Variants in MTF2 observed in about 807,000 individuals in gnomAD.
MTF2 encodes metal-response element-binding transcription factor 2.
In MTF2, 11 loss-of-function variants were observed where a neutral mutation model predicts 79.5. The ratio of observed to expected loss-of-function variants is 0.14; its 90% CI spans 0.09 to 0.23. MTF2 has a LOEUF of 0.23. Among genes scored for constraint, MTF2 ranks in the 10% least tolerant of loss-of-function variants. The pLI is 1.00. For missense variants in MTF2, 486 were observed against 711.2 expected, an observed-to-expected ratio of 0.68 and a Z score of 3.60; for synonymous variants, 208 against 232.8, an observed-to-expected ratio of 0.89 and a Z score of 0.97.
intron 1 of MTF2, among the ~76,000 whole-genome samples, chr1:93,081,697 G>T (rs1654614270): frequency 6.6e-6 from 1 of 152,134 alleles, no homozygotes; most frequent in African/African-American, 2.4e-5. Flanking sequence ...TTTCTCCAGT[G>T]ATGGCAGTGT....
At chr1:93,122,004 G>A (rs1252628103) in intron 9 of MTF2, among the ~76,000 whole-genome samples, 1 of 152,112 alleles carries the variant, frequency 6.6e-6, no homozygotes, top group Non-Finnish European at 1.5e-5. Context: ...GTTTTGCCAT[G>A]TTGGCCAGGC....
chr1:93,118,527 G>A, intron 7 of MTF2, 87 bp downstream of exon 7: 1 of 848,266 alleles, frequency 1.2e-6, no homozygotes, highest in Non-Finnish European at 1.8e-6. Context: ...CCTAAAGATA[G>A]TTTCAACAGT....
rs200494793 is a variant in MTF2 at position 93,129,558 on chromosome 1, A to ATT, written c.1160+129_1160+130dup. 5.8e-3 allele frequency: 2,579 copies of ATT among 446,060 alleles called. 1 individual carries two copies. The highest frequency in any genetic ancestry group is 6.7e-3 in the East Asian group (161 of 23,906). 27.6% of individuals were successfully genotyped at this position (446,060 alleles called of 1,614,324 possible). A position where few individuals can be genotyped will look rare whatever the true frequency, so the allele number is the denominator to read the frequency against. On this transcript the variant is annotated intron_variant, in intron 11 of 14. Transcript: ENST00000370298. ...GAAAGTACAAGTGGCAGTTACTCTGATTTTTTTTTTTTTTTTTTTTGGTCT... is the reference window on the plus strand; with the variant it reads ...GAAAGTACAAGTGGCAGTTACTCTGATTTTTTTTTTTTTTTTTTTTTTGGTCT...
chr1:93,119,401 G>A lies in MTF2; in HGVS notation c.797G>A (p.Trp266Ter). 1 of 1,595,778 alleles carries A rather than the reference G, an allele frequency of 6.3e-7. No homozygotes were observed. The highest frequency in any genetic ancestry group is 2.3e-5 in the East Asian group (1 of 44,436). Reference sequence around the variant, plus strand: ...TACCTCAAACGTCTACCATTACAGTGGTAAGTGTGGACCTTTCTGTTAAAA... The same window carrying A: ...TACCTCAAACGTCTACCATTACAGTAGTAAGTGTGGACCTTTCTGTTAAAA... ...PEYLKRLPLQ[W>*]VDIAHLCLYN... The change falls in exon 8 of 15, where the codon TGG becomes TAG. Residue 266 changes from tryptophan to a stop codon, truncating the protein, a stop_gained and splice_region_variant. Transcript: ENST00000370298. LOFTEE classifies it high-confidence loss of function.
Position 93,137,068 on chromosome 1 carries a change from T to C in MTF2, c.*41T>C, listed in dbSNP as rs1218381010. The C allele has an allele frequency of 5.2e-6, 8 of 1,545,792 alleles. No homozygotes were observed. The highest frequency in any genetic ancestry group is 1.7e-4 in the Middle Eastern group (1 of 5,786). ...TTATGTTCACTGCACTCTGATTTTC[T>C]GTAGGTACAGTTCAAAGCCCTAAAG... is the stretch of plus-strand genomic sequence containing the variant. On this transcript the variant is annotated 3_prime_UTR_variant, in exon 15 of 15. Coordinates refer to ENST00000370298, the MANE Select transcript of MTF2 (RefSeq NM_007358.4).
chr1:93,116,204 C>T (rs1026284698), intron 6 of MTF2, among the ~76,000 whole-genome samples: 15 of 151,556 alleles, frequency 9.9e-5, no homozygotes, highest in Admixed American at 2.6e-4. Context: ...ACCACAGACA[C>T]GTGCCACTAC....
intron 1 of MTF2, among the ~76,000 whole-genome samples, chr1:93,098,134 G>A (rs148567891): frequency 3.3e-5 from 5 of 152,268 alleles, no homozygotes; most frequent in African/African-American, 4.8e-5. Flanking sequence ...TTATACTGCA[G>A]TTTTGTTCCT....
rs1199227244 is a variant in MTF2, at chr1:93,087,029, G to A, written c.5+7498G>A. Among the ~76,000 whole-genome samples the A allele has an allele frequency of 3.3e-5, 5 of 152,070 alleles. No homozygotes were observed. In the South Asian group the frequency reaches 6.2e-4, roughly 19 times the overall value. The stretch of plus-strand genomic sequence containing the variant: ...TAGTCTAAAGCTTATTTTTTCGTTC[G>A]GGACACTGAATAAACTGTGTTGTGC... On this transcript the variant is annotated intron_variant, in intron 1 of 14. Transcript: ENST00000370298.
intron 3 of MTF2, among the ~76,000 whole-genome samples, chr1:93,112,570 G>A (rs1015986061): frequency 6.6e-6 from 1 of 152,162 alleles, no homozygotes; most frequent in Non-Finnish European, 1.5e-5. Flanking sequence ...TGCATTAAAT[G>A]CAGAAGTTTA....
chr1:93,126,752 A>G (rs868563666), intron 9 of MTF2, among the ~76,000 whole-genome samples: 220 of 152,220 alleles, frequency 1.4e-3, no homozygotes, highest in African/African-American at 5.2e-3. Context: ...AAAAAATTAT[A>G]GAGATTATCG....
At chr1:93,103,309 A>G (rs1005908552) in intron 1 of MTF2, among the ~76,000 whole-genome samples, 3 of 151,476 alleles carry the variant, frequency 2.0e-5, no homozygotes, top group Admixed American at 6.6e-5. Context: ...TAGAAGAATG[A>G]AGTTTATATT....
At chr1:93,118,310 A>G in intron 6 of MTF2, 35 bp from the exon 7 acceptor site, 1 of 1,376,698 alleles carries the variant, frequency 7.3e-7, no homozygotes. Flanking sequence ...TTAAGACAGG[A>G]ATTTTAGTGT....
chr1:93,104,922 C>T (rs982160681), intron 1 of MTF2, among the ~76,000 whole-genome samples: 2 of 151,666 alleles, frequency 1.3e-5, no homozygotes, highest in South Asian at 2.1e-4. Flanking sequence ...TTTGGGAGGC[C>T]GAGGCAGGCA....
chr1:93,117,052 T>G (rs1268052858), intron 6 of MTF2, among the ~76,000 whole-genome samples: 2 of 152,174 alleles, frequency 1.3e-5, no homozygotes, highest in Non-Finnish European at 2.9e-5. Context: ...TTTGAAATAT[T>G]ATGGGAATTT....
intron 6 of MTF2, among the ~76,000 whole-genome samples, chr1:93,116,359 A>G (rs1244098690): frequency 6.6e-6 from 1 of 151,758 alleles, no homozygotes; most frequent in Non-Finnish European, 1.5e-5. Context: ...TTTTCTTTGC[A>G]TATACAGTTT....
chr1:93,129,347 G>A lies in MTF2; in HGVS notation c.1059G>A (p.Val353=). 1 of 1,596,382 alleles carries A rather than the reference G, an allele frequency of 6.3e-7. No individual in the cohort carries two copies. Among genetic ancestry groups the A allele is most frequent in the Non-Finnish European group, 8.6e-7 (1 of 1,168,000 alleles). The change falls in exon 11 of 15, where the codon GTG becomes GTA. Residue 353 remains valine (V), a synonymous_variant. Coordinates refer to ENST00000370298, the MANE Select transcript of MTF2 (RefSeq NM_007358.4). ...GGTTGCGAATTCGTGTTCCTCCTGT[G>A]CCACCAAATGTGGCTTTCAAAGCAG... The part of the protein sequence containing the change: ...LFGLRIRVPP[V]PPNVAFKAEK...
At chr1:93,085,701 T>C (rs779022770) in intron 1 of MTF2, among the ~76,000 whole-genome samples, 17 of 152,040 alleles carry the variant, frequency 1.1e-4, no homozygotes, top group Non-Finnish European at 2.4e-4. Flanking sequence ...TTGCCCATGC[T>C]ATTCTTGAAC....
intron 2 of MTF2, 33 bp from the exon 3 acceptor site, chr1:93,110,512 G>A (rs777218918): frequency 6.2e-7 from 1 of 1,602,526 alleles, no homozygotes; most frequent in African/African-American, 1.3e-5. Context: ...TTAATTTTAA[G>A]AGATCACCGT....
intron 1 of MTF2, among the ~76,000 whole-genome samples, chr1:93,105,562 G>C (rs562136619): frequency 6.6e-6 from 1 of 152,310 alleles, no homozygotes; most frequent in African/African-American, 2.4e-5. Flanking sequence ...CTCTAAAGCA[G>C]TGATCTGAGT....
Sources: gnomAD v4.1 joint callset for allele counts (sites outside exome capture counted in the v4.1 genomes callset) on GRCh38, gnomAD v4.1.1 for gene constraint, MANE v1.5 for transcripts, NCBI Gene and HGNC (gene_info 2026-07-23, HGNC 2026-07-21) for gene names.